The following SMYD3 variants were observed in gnomAD, a reference collection of about 807,000 sequenced individuals.
SMYD3 encodes SET and MYND domain containing 3, also known as histone-lysine N-methyltransferase SMYD3.
In SMYD3, 36 loss-of-function variants were observed where a neutral mutation model predicts 57.7. The ratio of observed to expected loss-of-function variants is 0.62; its 90% CI spans 0.48 to 0.82. SMYD3 has a LOEUF of 0.82. SMYD3 is among the 40% of genes least tolerant of loss of function. The pLI, the probability that SMYD3 is intolerant of heterozygous loss-of-function variation, is 0.00. For missense variants in SMYD3, 515 were observed against 538.8 expected (o/e 0.96, Z 0.44); for synonymous variants, 211 against 195.0 (o/e 1.08, Z -0.68).
At chr1:245,825,594 C>G (rs1356845190) in intron 10 of SMYD3, among the ~76,000 whole-genome samples, 1 of 152,186 alleles carries the variant, frequency 6.6e-6, no homozygotes, top group Non-Finnish European at 1.5e-5. Flanking sequence ...GTCCCCCTCT[C>G]TGTTCAGCTT....
chr1:246,315,857 A>C (rs1422396629), intron 5 of SMYD3, among the ~76,000 whole-genome samples: 4 of 152,052 alleles, frequency 2.6e-5, no homozygotes, highest in African/African-American at 9.7e-5. Flanking sequence ...CCATCCCCAA[A>C]CTCGCCTGCT....
chr1:245,812,955 AG>A (rs2048562955), intron 10 of SMYD3, among the ~76,000 whole-genome samples: 1 of 143,074 alleles, frequency 7.0e-6, no homozygotes, highest in African/African-American at 2.6e-5. Context: ...AGTTGGGGTG[AG>A]GAGGTGAGGA....
At chr1:246,411,741 C>T (rs1213348289) in intron 1 of SMYD3, among the ~76,000 whole-genome samples, 8 of 148,898 alleles carry the variant, frequency 5.4e-5, no homozygotes, top group East Asian at 2.0e-4. Flanking sequence ...AACCAAACAC[C>T]GCATGTTCTC....
chr1:246,124,033 C>T (rs2061467241), intron 5 of SMYD3, among the ~76,000 whole-genome samples: 1 of 152,170 alleles, frequency 6.6e-6, no homozygotes, highest in Non-Finnish European at 1.5e-5. Context: ...ATCCTTTCCA[C>T]AAAAGATGTT....
At chr1:246,468,983 C>T (rs2067920305) in intron 1 of SMYD3, among the ~76,000 whole-genome samples, 1 of 152,166 alleles carries the variant, frequency 6.6e-6, no homozygotes, top group Admixed American at 6.5e-5. Flanking sequence ...GTCATTAAGC[C>T]TCTGTACATG....
intron 10 of SMYD3, among the ~76,000 whole-genome samples, chr1:245,815,477 T>G (rs897881378): frequency 1.3e-5 from 2 of 152,226 alleles, no homozygotes; most frequent in African/African-American, 4.8e-5. Flanking sequence ...TAATGACACA[T>G]GGATCCCAGA....
chr1:246,218,489 C>T (rs565277321), intron 5 of SMYD3, among the ~76,000 whole-genome samples: 8 of 152,116 alleles, frequency 5.3e-5, no homozygotes, highest in Non-Finnish European at 1.2e-4. Context: ...CAGGGGGTGG[C>T]GGGCGGCTGT....
At chr1:246,172,573 C>T (rs1245983438) in intron 5 of SMYD3, among the ~76,000 whole-genome samples, 2 of 150,646 alleles carry the variant, frequency 1.3e-5, no homozygotes, top group Non-Finnish European at 3.0e-5. Context: ...AGGCCTAGAA[C>T]ACTCACTGTA....
At chr1:245,774,589 A>G (rs79163598) in intron 10 of SMYD3, among the ~76,000 whole-genome samples, 5,814 of 152,112 alleles carry the variant, frequency 0.038, 387 homozygotes, top group African/African-American at 0.13. Context: ...TATATTGAAA[A>G]CCACTGAAGT....
intron 5 of SMYD3, among the ~76,000 whole-genome samples, chr1:246,127,994 T>TA (rs1258213933): frequency 2.0e-5 from 3 of 152,218 alleles, no homozygotes; most frequent in Non-Finnish European, 2.9e-5. Context: ...CCAGTATTAC[T>TA]ATTTTAATTA....
chr1:245,945,486 G>T (rs754237552), intron 5 of SMYD3, among the ~76,000 whole-genome samples: 3 of 152,316 alleles, frequency 2.0e-5, no homozygotes, highest in Middle Eastern at 6.8e-3. Flanking sequence ...TGGCAAGGCT[G>T]CAAAGAAATA....
intron 5 of SMYD3, among the ~76,000 whole-genome samples, chr1:245,938,885 A>G (rs1342537583): frequency 6.6e-6 from 1 of 152,180 alleles, no homozygotes; most frequent in Non-Finnish European, 1.5e-5. Flanking sequence ...GCAATTTGCA[A>G]GGAAGGTTCC....
At chr1:246,261,204 G>A (rs965184447) in intron 5 of SMYD3, among the ~76,000 whole-genome samples, 7 of 151,874 alleles carry the variant, frequency 4.6e-5, no homozygotes, top group African/African-American at 9.7e-5. Context: ...GACTACAGGC[G>A]CCCGCCACCA....
At chr1:245,817,716 C>G (rs1454105972) in intron 10 of SMYD3, among the ~76,000 whole-genome samples, 1 of 151,996 alleles carries the variant, frequency 6.6e-6, no homozygotes, top group South Asian at 2.1e-4. Flanking sequence ...GCTGATGGAG[C>G]TGAAAACCAA....
At position 246,497,509 on chromosome 1, in the gene SMYD3, C is replaced by A. The variant is rs553434526; in HGVS notation, c.164+9545G>T. On this transcript the variant is annotated intron_variant, in intron 1 of 11. Transcript: ENST00000490107. ...CTCCATTGTCCACCAGAGGGAGCATCACATCTGATTAAGAGATAATGGGGA... is the reference window on the plus strand; with the variant it reads ...CTCCATTGTCCACCAGAGGGAGCATAACATCTGATTAAGAGATAATGGGGA... Among the ~76,000 whole-genome samples the A allele has an allele frequency of 5.9e-5, 9 of 152,246 alleles. No individual in the cohort carries two copies. In the South Asian group the frequency reaches 1.2e-3, roughly 21 times the overall value.
At chr1:245,991,206 C>G (rs1258165585) in intron 5 of SMYD3, among the ~76,000 whole-genome samples, 5 of 152,220 alleles carry the variant, frequency 3.3e-5, no homozygotes, top group Non-Finnish European at 7.3e-5. Context: ...CCTCTCCCAC[C>G]TGCCAGGCAC....
intron 6 of SMYD3, among the ~76,000 whole-genome samples, chr1:245,929,417 C>T (rs1161012624): frequency 6.6e-6 from 1 of 152,214 alleles, no homozygotes; most frequent in African/African-American, 2.4e-5. Context: ...AGAGAGCATT[C>T]AGGGGCCAAA....
chr1:246,291,578 T>C (rs2148594521), intron 5 of SMYD3, among the ~76,000 whole-genome samples: 2 of 152,354 alleles, frequency 1.3e-5, no homozygotes, highest in Admixed American at 1.3e-4. Flanking sequence ...TGCCGTCACT[T>C]TGAGAACACT....
At chr1:245,825,043 C>G (rs12045414) in intron 10 of SMYD3, among the ~76,000 whole-genome samples, 1 of 152,020 alleles carries the variant, frequency 6.6e-6, no homozygotes, top group African/African-American at 2.4e-5. Flanking sequence ...AAGAAAAAAA[C>G]CAAAACAAAA....
Sources: allele counts gnomAD v4.1 joint callset (sites outside exome capture counted in the v4.1 genomes callset), GRCh38; gene constraint gnomAD v4.1.1; transcripts MANE v1.5; gene names NCBI Gene and HGNC (gene_info 2026-07-23, HGNC 2026-07-21).